Variants in TIPRL observed in about 807,000 individuals in gnomAD.
TIPRL encodes TOR signaling pathway regulator.
TIPRL carries 10 observed loss-of-function variants against 32.3 expected under a neutral mutation model. That is an observed-to-expected ratio of 0.31 (90% confidence interval 0.19 to 0.52). The LOEUF (loss-of-function observed/expected upper bound fraction) is 0.52, where lower values mean the gene tolerates loss of function less well. Among genes scored for constraint, TIPRL ranks in the 20% least tolerant of loss-of-function variants. TIPRL has a pLI of 0.96. For synonymous variants in TIPRL, 100 were observed against 114.0 expected, an observed-to-expected ratio of 0.88 and a Z score of 0.78; for missense variants, 250 against 328.1, an observed-to-expected ratio of 0.76 and a Z score of 1.84.
intron 3 of TIPRL, among the ~76,000 whole-genome samples, chr1:168,186,302 C>G (rs114618947): frequency 1.3e-5 from 2 of 151,806 alleles, no homozygotes; most frequent in Non-Finnish European, 2.9e-5. Context: ...TCGAGACCAG[C>G]TTGGCCAACA....
rs752839145 is a variant in TIPRL at position 168,184,093 on chromosome 1, G to A, written c.284+12G>A. On this transcript the variant is annotated intron_variant, in intron 2 of 6. Coordinates refer to ENST00000367833, the MANE Select transcript of TIPRL (RefSeq NM_152902.5). ...TGGCAAGAAAGCAGGTGAGAATCCG[G>A]TCAATTAGGTTAAACAAAAAAGGTA... 2.5e-6 allele frequency: 4 copies of A among 1,593,712 alleles called. No individual in the cohort carries two copies. In the East Asian group the frequency reaches 9.0e-5, roughly 36 times the overall value.
chr1:168,195,237 G>T (rs1277603399), intron 4 of TIPRL, among the ~76,000 whole-genome samples: 2 of 152,180 alleles, frequency 1.3e-5, no homozygotes, highest in Non-Finnish European at 2.9e-5. Flanking sequence ...CTGAATATAT[G>T]TTATTATTTC....
At chr1:168,182,626 A>C (rs181742122) in intron 1 of TIPRL, among the ~76,000 whole-genome samples, 143 of 149,560 alleles carry the variant, frequency 9.6e-4, no homozygotes, top group African/African-American at 3.3e-3. Context: ...ACTCCGTCTC[A>C]AAAAAAAAAG....
chr1:168,191,740 C>T (rs377537115), intron 4 of TIPRL, among the ~76,000 whole-genome samples: 17 of 150,218 alleles, frequency 1.1e-4, no homozygotes, highest in African/African-American at 3.9e-4. Context: ...GGCATGGTGG[C>T]GGGCGCCTGT....
At chr1:168,186,688 G>T (rs1025874927) in intron 3 of TIPRL, among the ~76,000 whole-genome samples, 1 of 152,038 alleles carries the variant, frequency 6.6e-6, no homozygotes, top group Non-Finnish European at 1.5e-5. Context: ...TTGGGAGGCC[G>T]AGGCAGGCAG....
At chr1:168,195,977 A>T (rs1198824017) in intron 4 of TIPRL, among the ~76,000 whole-genome samples, 1 of 152,212 alleles carries the variant, frequency 6.6e-6, no homozygotes, top group East Asian at 1.9e-4. Context: ...TCTGCCTATC[A>T]TTAGTAGTTA....
At chr1:168,186,688 G>A (rs1025874927) in intron 3 of TIPRL, among the ~76,000 whole-genome samples, 8 of 152,038 alleles carry the variant, frequency 5.3e-5, no homozygotes, top group South Asian at 2.1e-4. Flanking sequence ...TTGGGAGGCC[G>A]AGGCAGGCAG....
At position 168,178,996 on chromosome 1, in the gene TIPRL, G is replaced by T; in HGVS notation, c.-82G>T. 7.8e-7 allele frequency: 1 copy of T among 1,278,650 alleles called. No homozygotes were observed. The highest frequency in any genetic ancestry group is 1.4e-5 in the South Asian group (1 of 72,508). The allele number at this position is 1,278,650 out of a possible 1,614,324, so 79.2% of individuals were successfully genotyped here. A position where few individuals can be genotyped will look rare whatever the true frequency, so the allele number is the denominator to read the frequency against. ...GCTCGGAAGCCTAGGAGGCTGGGCC[G>T]GAGGGAGGCGGAGGAACCGGTGTTC... On this transcript the variant is annotated 5_prime_UTR_variant, in exon 1 of 7. Coordinates refer to ENST00000367833, the MANE Select transcript of TIPRL (RefSeq NM_152902.5).
chr1:168,186,089 A>C (rs1164772725), intron 3 of TIPRL, among the ~76,000 whole-genome samples: 1 of 150,490 alleles, frequency 6.6e-6, no homozygotes, highest in Non-Finnish European at 1.5e-5. Context: ...AAAAAAAAAA[A>C]AAAAAAAAAA....
intron 4 of TIPRL, among the ~76,000 whole-genome samples, chr1:168,194,449 TC>T (rs1700130553): frequency 6.6e-6 from 1 of 152,242 alleles, no homozygotes; most frequent in South Asian, 2.1e-4. Context: ...TCCTACTCTC[TC>T]CACTGTGCCA....
chr1:168,189,306 A>C (rs968321780), intron 3 of TIPRL, among the ~76,000 whole-genome samples: 1 of 152,184 alleles, frequency 6.6e-6, no homozygotes, highest in Non-Finnish European at 1.5e-5. Flanking sequence ...TTCATCAAGA[A>C]GGTTTGTCTA....
intron 4 of TIPRL, chr1:168,192,335 C>A (rs187212023): frequency 3.3e-4 from 325 of 988,382 alleles, no homozygotes; most frequent in Admixed American, 1.4e-3. Context: ...GCCTGGGCGA[C>A]AGAGCAAGAC....
intron 1 of TIPRL, among the ~76,000 whole-genome samples, chr1:168,182,092 C>CT (rs58109371): frequency 0.45 from 67,745 of 150,370 alleles, 17,791 homozygotes; most frequent in African/African-American, 0.72. Context: ...AAAAAAATGC[C>CT]TTTTTTTATA....
At chr1:168,180,326 A>T (rs1239991093) in intron 1 of TIPRL, among the ~76,000 whole-genome samples, 1 of 152,178 alleles carries the variant, frequency 6.6e-6, no homozygotes, top group Non-Finnish European at 1.5e-5. Flanking sequence ...GAAGCACAGG[A>T]GGAGGAGAAG....
intron 1 of TIPRL, among the ~76,000 whole-genome samples, chr1:168,183,153 A>G (rs887903593): frequency 2.0e-5 from 3 of 152,134 alleles, no homozygotes; most frequent in Non-Finnish European, 4.4e-5. Flanking sequence ...AACATTTGTA[A>G]TGGTTCCATA....
rs1291759625 is a variant in TIPRL at position 168,201,975 on chromosome 1, T to G, written c.*1929T>G. Reference sequence around the variant, plus strand: ...GTAGAAGAGTATGCCTCTGAAAATTTTATTAGTTTATTCTTGTGGAGAATA... The same window carrying G: ...GTAGAAGAGTATGCCTCTGAAAATTGTATTAGTTTATTCTTGTGGAGAATA... On this transcript the variant is annotated 3_prime_UTR_variant, in exon 7 of 7. Coordinates refer to ENST00000367833, the MANE Select transcript of TIPRL (RefSeq NM_152902.5). The G allele has an allele frequency of 6.6e-6, 1 of 152,090 alleles. No homozygotes were observed. Among genetic ancestry groups the G allele is most frequent in the Non-Finnish European group, 1.5e-5 (1 of 68,000 alleles). 9.4% of individuals were successfully genotyped at this position (152,090 alleles called of 1,614,324 possible).
At chr1:168,196,760 G>A in intron 5 of TIPRL, 118 bp downstream of exon 5, 1 of 582,084 alleles carries the variant, frequency 1.7e-6, no homozygotes, top group South Asian at 4.6e-5. Context: ...CTTTCTAACT[G>A]TTAAGTCTGA....
At chr1:168,188,524 T>C (rs1050982917) in intron 3 of TIPRL, among the ~76,000 whole-genome samples, 2 of 152,240 alleles carry the variant, frequency 1.3e-5, no homozygotes, top group African/African-American at 4.8e-5. Flanking sequence ...GTAATTTTTA[T>C]GTGTCATGAA....
chr1:168,192,326 C>T (rs2102311182), intron 4 of TIPRL: 1 of 1,010,684 alleles, frequency 9.9e-7, no homozygotes, highest in Non-Finnish European at 1.2e-6. Context: ...AGCCCTCCAG[C>T]CTGGGCGACA....
Sources: gnomAD v4.1 joint callset for allele counts (sites outside exome capture counted in the v4.1 genomes callset) on GRCh38, gnomAD v4.1.1 for gene constraint, MANE v1.5 for transcripts, NCBI Gene and HGNC (gene_info 2026-07-23, HGNC 2026-07-21) for gene names.